Variants in AEBP1 observed in about 807,000 individuals in gnomAD.
The protein encoded by AEBP1 is AE binding protein 1, also known as adipocyte enhancer-binding protein 1.
In AEBP1, 69 loss-of-function variants were observed where a neutral mutation model predicts 116.5. The ratio of observed to expected loss-of-function variants is 0.59; its 90% CI spans 0.49 to 0.72. The LOEUF is 0.72. Among genes scored for constraint, AEBP1 ranks in the 30% least tolerant of loss-of-function variants. The probability of loss-of-function intolerance (pLI) is 0.00; values close to 1 mark genes in which losing one functional copy is unlikely to be tolerated. For missense variants in AEBP1, 1,444 were observed against 1,557.5 expected (o/e 0.93, Z 1.23); for synonymous variants, 627 against 627.3 (o/e 1.00, Z 0.01).
chr7:44,114,027 G>A lies in AEBP1; in HGVS notation c.3243G>A (p.Ser1081=), dbSNP rs969857908. Residue 1081 remains serine (S), a synonymous_variant, in exon 21 of 21, where the codon TCG becomes TCA. Transcript: ENST00000223357. ...CAACCACCGCTGGCTGGGAGGAGTC[G>A]GAGACTGAGACCTACACAGAGGTGG... ...IPPTTAGWEE[S]ETETYTEVVT... 1.9e-6 allele frequency: 3 copies of A among 1,614,082 alleles called. No individual in the cohort carries two copies. Among genetic ancestry groups the A allele is most frequent in the Non-Finnish European group, 1.7e-6 (2 of 1,180,002 alleles).
At chr7:44,109,915 C>G in intron 9 of AEBP1, 100 bp from the exon 10 acceptor site, 1 of 1,076,564 alleles carries the variant, frequency 9.3e-7, no homozygotes, top group Admixed American at 2.1e-5. Flanking sequence ...CTGACTGTGC[C>G]CCCGATGTGC....
Position 44,107,632 on chromosome 7 carries a change from CGGA to C in AEBP1, c.679_681del (p.Glu227del). 1.2e-6 allele frequency: 2 copies of C among 1,613,552 alleles called. No homozygotes were observed. Among genetic ancestry groups the C allele is most frequent in the South Asian group, 1.1e-5 (1 of 91,064 alleles). Reference sequence around the variant, plus strand: ...GCTACCAGCGCTTTCCCCTCAGAGCCGGAGGAGGAGACCGAGCAACCCACACTG... The same window carrying C: ...GCTACCAGCGCTTTCCCCTCAGAGCCGGAGGAGACCGAGCAACCCACACTG... On this transcript the variant is annotated inframe_deletion, in exon 4 of 21. Coordinates refer to ENST00000223357, the MANE Select transcript of AEBP1 (RefSeq NM_001129.5). The surrounding 1 kb of genome is among the most constrained non-coding windows in gnomAD (Gnocchi z 4.3).
In AEBP1 at chr7:44,113,211, G is replaced by A; in HGVS notation, c.2710-41G>A. On this transcript the variant is annotated intron_variant, in intron 19 of 20. Coordinates refer to ENST00000223357, the MANE Select transcript of AEBP1 (RefSeq NM_001129.5). The surrounding 1 kb of genome is among the most constrained non-coding windows in gnomAD (Gnocchi z 5.3). ...GCGGGAGGGAGCAGCGGACCACATT[G>A]GACCTTCCTGAGGACCAGCAGCCCT... 2 of 1,613,434 alleles carry A rather than the reference G, an allele frequency of 1.2e-6. No individual in the cohort carries two copies. Among genetic ancestry groups the A allele is most frequent in the Non-Finnish European group, 1.7e-6 (2 of 1,179,692 alleles).
rs146802668 is a variant in AEBP1, at chr7:44,111,170, C to T, written c.1647C>T (p.Tyr549=). Residue 549 remains tyrosine, a synonymous_variant, in exon 14 of 21, where the codon TAC becomes TAT. Transcript: ENST00000223357. This position sits in a 1 kb window ranked among gnomAD's most constrained non-coding sequence, Gnocchi z 4.7. The part of the protein sequence containing the change: ...GCSVAPVYSY[Y]AQNEVVATDD... ...CCCTTGCAGCTGTCTACAGCTACTA[C>T]GCACAGAATGAGGTGGTGGCCACCG... The T allele has an allele frequency of 2.5e-5, 38 of 1,532,676 alleles. No homozygotes were observed. Among genetic ancestry groups the T allele is most frequent in the South Asian group, 2.3e-4 (18 of 77,456 alleles). The allele number at this position is 1,532,676 out of a possible 1,614,324, so 94.9% of individuals were successfully genotyped here.
intron 9 of AEBP1, 60 bp downstream of exon 9, chr7:44,109,401 G>A: frequency 6.8e-7 from 1 of 1,461,648 alleles, no homozygotes; most frequent in South Asian, 1.4e-5. Flanking sequence ...GCTGGGACAA[G>A]TGACTGGCCC....
rs746715181 is a variant in AEBP1 at position 44,106,800 on chromosome 7, C to G, written c.508C>G (p.Pro170Ala). The G allele has an allele frequency of 1.2e-6, 2 of 1,610,944 alleles. No homozygotes were observed. Among genetic ancestry groups the G allele is most frequent in the East Asian group, 2.2e-5 (1 of 44,752 alleles). ...CAAGAAGCCCCCGTCAGGGAAGAGG[C>G]CCCCCATTCTGGCTCCCTCAGAAAC... ...ATKKPPSGKRPPILAPSETLE... is the reference protein window; with the variant it reads ...ATKKPPSGKRAPILAPSETLE... The change falls in exon 2 of 21, where the codon CCC (proline) becomes GCC (alanine). Residue 170 changes from proline to alanine, a missense_variant. Pro to Ala is a conservative substitution (Grantham distance 27). Transcript: ENST00000223357.
Position 44,112,643 on chromosome 7 carries a change from T to C in AEBP1, c.2303T>C (p.Leu768Pro). ...GCAAATCTGAACGGCGGCGAGCGGC[T>C]AGTATCCTACCCCTACGATATGGCC... ...LGANLNGGER[L>P]VSYPYDMART... is the part of the protein sequence containing the mutation. The change falls in exon 18 of 21, where the codon CTA becomes CCA. Residue 768 changes from leucine (L) to proline (P), a missense_variant. Transcript: ENST00000223357. The surrounding 1 kb of genome is among the most constrained non-coding windows in gnomAD (Gnocchi z 6.6). The C allele has an allele frequency of 6.2e-7, 1 of 1,612,830 alleles. No individual in the cohort carries two copies. The highest frequency in any genetic ancestry group is 8.5e-7 in the Non-Finnish European group (1 of 1,179,604).
chr7:44,108,844 G>A lies in AEBP1; in HGVS notation c.941-55G>A, dbSNP rs1034103624. The A allele has an allele frequency of 7.3e-6, 11 of 1,505,814 alleles. No homozygotes were observed. Among genetic ancestry groups the A allele is most frequent in the Non-Finnish European group, 9.9e-6 (11 of 1,107,772 alleles). 93.3% of individuals were successfully genotyped at this position (1,505,814 alleles called of 1,614,324 possible). ...CTGCTGAGCTCCTGTGGACCCAGGA[G>A]CTGAGGCCCCGCAGCAGGGTCAGGG... On this transcript the variant is annotated intron_variant, in intron 6 of 20. Coordinates refer to ENST00000223357, the MANE Select transcript of AEBP1 (RefSeq NM_001129.5). This position sits in a 1 kb window ranked among gnomAD's most constrained non-coding sequence, Gnocchi z 5.0.
In AEBP1 at chr7:44,107,344, C is replaced by CT; in HGVS notation, c.596-94dup. 1 of 1,266,764 alleles carries CT rather than the reference C, an allele frequency of 7.9e-7. No homozygotes were observed. Among genetic ancestry groups the CT allele is most frequent in the Non-Finnish European group, 1.1e-6 (1 of 873,662 alleles). The allele number at this position is 1,266,764 out of a possible 1,614,324, so 78.5% of individuals were successfully genotyped here. A position where few individuals can be genotyped will look rare whatever the true frequency, so the allele number is the denominator to read the frequency against. The stretch of plus-strand genomic sequence containing the variant: ...GGCCTCAGGAGGGTGTCCACAGGCT[C>CT]TGTGTGGGCTCTATGGGTGGCTGGT... On this transcript the variant is annotated intron_variant, in intron 2 of 20. Transcript: ENST00000223357. This position sits in a 1 kb window ranked among gnomAD's most constrained non-coding sequence, Gnocchi z 4.3.
chr7:44,107,671 A>G lies in AEBP1; in HGVS notation c.710A>G (p.Asp237Gly). ...ETEQPTLDYNDQIEREDYEDF... is the reference protein window; with the variant it reads ...ETEQPTLDYNGQIEREDYEDF... Reference sequence around the variant, plus strand: ...GAGCAACCCACACTGGACTACAATGACCAGATCGAGAGGGAGGACTATGAG... The same window carrying G: ...GAGCAACCCACACTGGACTACAATGGCCAGATCGAGAGGGAGGACTATGAG... Residue 237 changes from aspartate to glycine, a missense_variant, in exon 4 of 21, where the codon GAC becomes GGC. Transcript: ENST00000223357. The surrounding 1 kb of genome is among the most constrained non-coding windows in gnomAD (Gnocchi z 4.3). 6 of 1,613,658 alleles carry G rather than the reference A, an allele frequency of 3.7e-6. No individual in the cohort carries two copies. The highest frequency in any genetic ancestry group is 5.1e-6 in the Non-Finnish European group (6 of 1,179,938).
Position 44,107,780 on chromosome 7 carries a change from G to T in AEBP1, c.740-29G>T. 6.2e-7 allele frequency: 1 copy of T among 1,612,468 alleles called. No individual in the cohort carries two copies. Among genetic ancestry groups the T allele is most frequent in the Admixed American group, 1.7e-5 (1 of 59,958 alleles). On this transcript the variant is annotated intron_variant, in intron 4 of 20. Transcript: ENST00000223357. This position sits in a 1 kb window ranked among gnomAD's most constrained non-coding sequence, Gnocchi z 4.3. The stretch of plus-strand genomic sequence containing the variant: ...GCCAATGGGCCCATCCCAGCCTTGG[G>T]CCCCACTCTGAGCCAGCCTCCCCCT...
rs369016031 is a variant in AEBP1 at position 44,111,058 on chromosome 7, G to A, written c.1630+1G>A. Reference sequence around the variant, plus strand: ...GAGGTGCTGGGGTGCTCTGTGGCCCGTGAGTGTGGAGGGCTGGCAGGGGCT... The same window carrying A: ...GAGGTGCTGGGGTGCTCTGTGGCCCATGAGTGTGGAGGGCTGGCAGGGGCT... On this transcript the variant is annotated splice_donor_variant, in intron 13 of 20. Transcript: ENST00000223357. LOFTEE classifies it high-confidence loss of function. The surrounding 1 kb of genome is among the most constrained non-coding windows in gnomAD (Gnocchi z 4.7). 20 of 1,607,640 alleles carry A rather than the reference G, an allele frequency of 1.2e-5. No individual in the cohort carries two copies. The highest frequency in any genetic ancestry group is 4.4e-5 in the South Asian group (4 of 90,168).
Position 44,113,518 on chromosome 7 carries a change from T to C in AEBP1, c.2810-76T>C, listed in dbSNP as rs1470247231. On this transcript the variant is annotated intron_variant, in intron 20 of 20. Coordinates refer to ENST00000223357, the MANE Select transcript of AEBP1 (RefSeq NM_001129.5). This position sits in a 1 kb window ranked among gnomAD's most constrained non-coding sequence, Gnocchi z 5.3. ...GGAACTCAGAGGGGGAGGGCGGGGC[T>C]GGGGGCAGGACTGAGTGGGAGGGTG... 3.8e-6 allele frequency: 3 copies of C among 782,648 alleles called. No individual in the cohort carries two copies. The highest frequency in any genetic ancestry group is 4.6e-4 in the Middle Eastern group (1 of 2,160). 48.5% of individuals were successfully genotyped at this position (782,648 alleles called of 1,614,324 possible).
chr7:44,106,943 G>A, intron 2 of AEBP1, 56 bp downstream of exon 2: 1 of 1,366,408 alleles, frequency 7.3e-7, no homozygotes, highest in Non-Finnish European at 9.8e-7. Context: ...TCGGGTGGAG[G>A]CAGGGAGTGG....
chr7:44,113,927 CTG>C lies in AEBP1; in HGVS notation c.3146_3147del (p.Val1049AlafsTer35), dbSNP rs1238487228. 1 of 1,613,700 alleles carries C rather than the reference CTG, an allele frequency of 6.2e-7. No homozygotes were observed. The highest frequency in any genetic ancestry group is 1.7e-5 in the Admixed American group (1 of 60,010). On this transcript the variant is annotated frameshift_variant, in exon 21 of 21. Coordinates refer to ENST00000223357, the MANE Select transcript of AEBP1 (RefSeq NM_001129.5). LOFTEE classifies it low-confidence loss of function (END_TRUNC). This position sits in a 1 kb window ranked among gnomAD's most constrained non-coding sequence, Gnocchi z 5.3. ...GCCACCACCACCCTAGGCCCCCACA[CTG>C]TGCCTCCCACGCTGCCCCCTGCCCC...
In AEBP1 at chr7:44,111,701, C is replaced by A; in HGVS notation, c.1840+71C>A. On this transcript the variant is annotated intron_variant, in intron 15 of 20. Transcript: ENST00000223357. The surrounding 1 kb of genome is among the most constrained non-coding windows in gnomAD (Gnocchi z 4.7). ...CAGAGCTCACTGCCTCCCGCCTGTT[C>A]CGGAGCCTCTCTGGGGATTCTGGCT... 1 of 1,591,772 alleles carries A rather than the reference C, an allele frequency of 6.3e-7. No individual in the cohort carries two copies. The highest frequency in any genetic ancestry group is 1.1e-5 in the South Asian group (1 of 88,822).
At chr7:44,106,061 A>G in intron 1 of AEBP1, 1 of 396,278 alleles carries the variant, frequency 2.5e-6, no homozygotes, top group Non-Finnish European at 5.0e-6. Context: ...TACTCAACCA[A>G]GTGTCCCTTT....
rs1583554917 is a variant in AEBP1 at position 44,112,400 on chromosome 7, G to A, written c.2217+79G>A. On this transcript the variant is annotated intron_variant, in intron 17 of 20. Transcript: ENST00000223357. The surrounding 1 kb of genome is among the most constrained non-coding windows in gnomAD (Gnocchi z 6.6). ...CCTGGTGTTCTGGGCTTGGGGGTGGGGCTGACGGTGCCTGAACTCCAGACG... is the reference window on the plus strand; with the variant it reads ...CCTGGTGTTCTGGGCTTGGGGGTGGAGCTGACGGTGCCTGAACTCCAGACG... The A allele has an allele frequency of 6.8e-7, 1 of 1,476,056 alleles. No homozygotes were observed. Among genetic ancestry groups the A allele is most frequent in the East Asian group, 2.3e-5 (1 of 43,112 alleles). The allele number at this position is 1,476,056 out of a possible 1,614,324, so 91.4% of individuals were successfully genotyped here. A position where few individuals can be genotyped will look rare whatever the true frequency, so the allele number is the denominator to read the frequency against.
rs575362804 is a variant in AEBP1 at position 44,104,692 on chromosome 7, G to A, written c.27G>A (p.Leu9=). ...TGGCGGCCGTGCGCGGGGCGCCCCT[G>A]CTCAGCTGCCTCCTGGCGTTGCTGG... MAAVRGAP[L]LSCLLALLAL... is the part of the protein sequence containing the mutation. Residue 9 remains leucine, a synonymous_variant, in exon 1 of 21, where the codon CTG becomes CTA. Coordinates refer to ENST00000223357, the MANE Select transcript of AEBP1 (RefSeq NM_001129.5). The A allele has an allele frequency of 1.9e-5, 30 of 1,593,498 alleles. No individual in the cohort carries two copies. The highest frequency in any genetic ancestry group is 2.5e-5 in the Non-Finnish European group (29 of 1,171,228).
Sources: allele counts gnomAD v4.1 joint callset, GRCh38; gene constraint gnomAD v4.1.1; non-coding constraint Gnocchi (gnomAD v3.1); transcripts MANE v1.5; gene names NCBI Gene and HGNC (gene_info 2026-07-23, HGNC 2026-07-21).